Variants in FBN1 observed in about 807,000 individuals in gnomAD.
The protein encoded by FBN1 is fibrillin-1.
In FBN1, 29 loss-of-function variants were observed where a neutral mutation model predicts 365.1. The ratio of observed to expected loss-of-function variants is 0.08; its 90% CI spans 0.06 to 0.11. FBN1 has a LOEUF of 0.11. FBN1 is among the 10% of genes least tolerant of loss of function. The pLI is 1.00. For synonymous variants in FBN1, 1,210 were observed against 1,270.5 expected, an observed-to-expected ratio of 0.95 and a Z score of 1.01; for missense variants, 2,476 against 3,703.2, an observed-to-expected ratio of 0.67 and a Z score of 8.60.
rs2042846904 is a variant in FBN1 at position 48,409,918 on chromosome 15, C to T, written c.*1072G>A. ...TTCAATGGATAAAACAAGGGATCGA[C>T]TCATATGTTAAATTTTCTTCTAGTG... is the stretch of plus-strand genomic sequence containing the variant. On this transcript the variant is annotated 3_prime_UTR_variant, in exon 66 of 66. Transcript: ENST00000316623. 6.6e-6 allele frequency: 1 copy of T among 152,258 alleles called. No homozygotes were observed. Among genetic ancestry groups the T allele is most frequent in the African/African-American group, 2.4e-5 (1 of 41,440 alleles). The allele number at this position is 152,258 out of a possible 1,614,324, so 9.4% of individuals were successfully genotyped here.
At chr15:48,517,653 T>C (rs936974322) in intron 10 of FBN1, among the ~76,000 whole-genome samples, 2 of 152,250 alleles carry the variant, frequency 1.3e-5, no homozygotes, top group African/African-American at 4.8e-5. Context: ...GTATTTATTT[T>C]ATTTATTTTC....
At chr15:48,505,791 T>C (rs954721222) in intron 15 of FBN1, among the ~76,000 whole-genome samples, 3 of 152,252 alleles carry the variant, frequency 2.0e-5, no homozygotes, top group African/African-American at 7.2e-5. Flanking sequence ...TGGTATTTTA[T>C]GTGTATACTT....
At chr15:48,596,145 T>C in intron 6 of FBN1, 138 bp downstream of exon 6, 1 of 780,042 alleles carries the variant, frequency 1.3e-6, no homozygotes, top group Non-Finnish European at 2.2e-6. Flanking sequence ...CCTAGGGACC[T>C]TCCCAATGAC....
At chr15:48,606,558 T>C (rs568283793) in intron 4 of FBN1, among the ~76,000 whole-genome samples, 5 of 152,286 alleles carry the variant, frequency 3.3e-5, no homozygotes, top group African/African-American at 1.2e-4. Flanking sequence ...GTAGAACAGA[T>C]TAGTGGTTGT....
chr15:48,621,429 T>C (rs1161888716), intron 2 of FBN1, among the ~76,000 whole-genome samples: 1 of 152,172 alleles, frequency 6.6e-6, no homozygotes, highest in African/African-American at 2.4e-5. Context: ...CAAAAACCCA[T>C]AATTTCAATG....
At chr15:48,418,176 T>A (rs947714608) in intron 63 of FBN1, among the ~76,000 whole-genome samples, 18 of 152,228 alleles carry the variant, frequency 1.2e-4, no homozygotes, top group African/African-American at 4.3e-4. Flanking sequence ...TAGATTGGGC[T>A]ATCTTGGGAG....
intron 53 of FBN1, among the ~76,000 whole-genome samples, chr15:48,436,549 T>C (rs998789732): frequency 6.6e-6 from 1 of 152,234 alleles, no homozygotes; most frequent in Non-Finnish European, 1.5e-5. Context: ...ACTGGTTATA[T>C]AGCCTTTCAT....
At chr15:48,414,923 C>T (rs1232363161) in intron 64 of FBN1, among the ~76,000 whole-genome samples, 1 of 151,562 alleles carries the variant, frequency 6.6e-6, no homozygotes, top group African/African-American at 2.4e-5. Context: ...CCTTCCCTGC[C>T]CCAACTCTCA....
In FBN1 at chr15:48,412,655, C is replaced by G. The variant is rs766170041; in HGVS notation, c.8140G>C (p.Ala2714Pro). The change falls in exon 65 of 66, where the codon GCT (alanine) becomes CCT (proline). Residue 2714 changes from alanine (A) to proline (P), a missense_variant. Physicochemically the swap from Ala to Pro is conservative, Grantham distance 27 (BLOSUM62 -1). Coordinates refer to ENST00000316623, the MANE Select transcript of FBN1 (RefSeq NM_000138.5). ...CCATTGATCTTACACTCGTAACAAG[C>G]CTCTGGGGAGAGTGAATTGTCATCC... ...EMDDNSLSPE[A>P]CYECKINGYP... 6.2e-7 allele frequency: 1 copy of G among 1,614,262 alleles called. No homozygotes were observed. The highest frequency in any genetic ancestry group is 8.5e-7 in the Non-Finnish European group (1 of 1,180,044).
intron 6 of FBN1, among the ~76,000 whole-genome samples, chr15:48,550,418 C>A (rs2044132525): frequency 6.6e-6 from 1 of 152,136 alleles, no homozygotes; most frequent in Non-Finnish European, 1.5e-5. Context: ...ACAGAGTATC[C>A]CTCACACCCC....
At chr15:48,572,174 A>T (rs1341151617) in intron 6 of FBN1, among the ~76,000 whole-genome samples, 1 of 152,200 alleles carries the variant, frequency 6.6e-6, no homozygotes, top group African/African-American at 2.4e-5. Context: ...CACATTATCT[A>T]TTATGAATAT....
intron 44 of FBN1, among the ~76,000 whole-genome samples, chr15:48,453,274 CAAACAAAAAATA>C: frequency 3.2e-5 from 1 of 31,092 alleles, no homozygotes; most frequent in East Asian, 5.8e-4. Context: ...AACAAACAAA[CAAACAAAAAATA>C]AAACAAACAA....
intron 1 of FBN1, among the ~76,000 whole-genome samples, chr15:48,645,309 G>A (rs1890284850): frequency 6.6e-6 from 1 of 152,312 alleles, no homozygotes; most frequent in South Asian, 2.1e-4. Context: ...CTCTCCGCCA[G>A]GCTGGAAGCC....
intron 4 of FBN1, among the ~76,000 whole-genome samples, chr15:48,601,820 C>A (rs2044570014): frequency 6.6e-6 from 1 of 152,306 alleles, no homozygotes; most frequent in Non-Finnish European, 1.5e-5. Context: ...AAGTTAAATG[C>A]CTTTTCAACA....
intron 2 of FBN1, among the ~76,000 whole-genome samples, chr15:48,619,888 A>AG (rs1268444813): frequency 1.3e-5 from 2 of 151,584 alleles, no homozygotes; most frequent in Non-Finnish European, 2.9e-5. Context: ...AAAAAAAAAA[A>AG]CAGGAGAAGA....
intron 6 of FBN1, among the ~76,000 whole-genome samples, chr15:48,552,912 C>T (rs562389318): frequency 6.6e-6 from 1 of 152,248 alleles, no homozygotes; most frequent in East Asian, 1.9e-4. Context: ...CCTTCCTAAG[C>T]TCATATTCCC....
At chr15:48,552,086 C>T (rs1304099286) in intron 6 of FBN1, among the ~76,000 whole-genome samples, 1 of 152,152 alleles carries the variant, frequency 6.6e-6, no homozygotes, top group African/African-American at 2.4e-5. Context: ...ACCACACTGT[C>T]TTCCACAATG....
intron 5 of FBN1, among the ~76,000 whole-genome samples, chr15:48,598,297 C>A (rs978830675): frequency 1.3e-5 from 2 of 152,120 alleles, no homozygotes; most frequent in African/African-American, 4.8e-5. Flanking sequence ...ACATTTATGT[C>A]CTCTAATACA....
At chr15:48,476,774 CTTTTTTTT>C (rs34020705) in intron 32 of FBN1, 3 of 64,618 alleles carry the variant, frequency 4.6e-5, no homozygotes, top group African/African-American at 6.4e-5. Context: ...CCACGCCTGG[CTTTTTTTT>C]TTTTTTTTTT....
Sources: allele counts gnomAD v4.1 joint callset (sites outside exome capture counted in the v4.1 genomes callset), GRCh38; gene constraint gnomAD v4.1.1; transcripts MANE v1.5; gene names NCBI Gene and HGNC (gene_info 2026-07-23, HGNC 2026-07-21).